The following LSAMP variants were observed in gnomAD, a reference collection of about 807,000 sequenced individuals.
The protein encoded by LSAMP is limbic system-associated membrane protein.
Under a neutral mutation model 38.6 loss-of-function variants are expected in LSAMP, and 7 were observed. That is an observed-to-expected ratio of 0.18 (90% CI 0.10 to 0.34). The LOEUF (loss-of-function observed/expected upper bound fraction) is 0.34. Ranked by LOEUF, LSAMP falls within the 10% of genes least tolerant of loss-of-function variation. The pLI is 1.00. For missense variants in LSAMP, 313 were observed against 420.0 expected, an observed-to-expected ratio of 0.75 and a Z score of 2.23; for synonymous variants, 154 against 166.8, an observed-to-expected ratio of 0.92 and a Z score of 0.59.
chr3:116,400,108 C>A (rs910867555), intron 1 of LSAMP, among the ~76,000 whole-genome samples: 2 of 152,134 alleles, frequency 1.3e-5, no homozygotes, highest in Admixed American at 6.5e-5. Flanking sequence ...ATCTAAAAAA[C>A]CCCTAAATTT....
At chr3:116,409,899 G>A (rs566145732) in intron 1 of LSAMP, among the ~76,000 whole-genome samples, 27 of 152,116 alleles carry the variant, frequency 1.8e-4, no homozygotes, top group African/African-American at 5.1e-4. Flanking sequence ...TTATTGGCAC[G>A]TTTAGAGCCA....
At chr3:115,839,491 G>A (rs1206299041) in intron 6 of LSAMP, among the ~76,000 whole-genome samples, 1 of 152,118 alleles carries the variant, frequency 6.6e-6, no homozygotes, top group East Asian at 1.9e-4. Context: ...CAGAAGGAGA[G>A]CTTCTCCCCC....
intron 1 of LSAMP, among the ~76,000 whole-genome samples, chr3:116,208,707 C>T (rs1471806280): frequency 6.6e-6 from 1 of 150,572 alleles, no homozygotes; most frequent in African/African-American, 2.4e-5. Context: ...CCCAGTTAGG[C>T]TGCTCGGGGG....
At chr3:115,957,200 T>G (rs575666036) in intron 3 of LSAMP, among the ~76,000 whole-genome samples, 8 of 152,300 alleles carry the variant, frequency 5.3e-5, no homozygotes, top group African/African-American at 1.9e-4. Context: ...CAAGTACCCA[T>G]AGAGGTCAAA....
chr3:116,173,779 C>T (rs1308740980), intron 1 of LSAMP, among the ~76,000 whole-genome samples: 1 of 50,224 alleles, frequency 2.0e-5, no homozygotes, highest in Non-Finnish European at 3.6e-5. Flanking sequence ...GAGGGGAAAA[C>T]ATTTTTTTTT....
intron 1 of LSAMP, among the ~76,000 whole-genome samples, chr3:116,419,092 C>T (rs1373190867): frequency 4.6e-5 from 7 of 152,230 alleles, no homozygotes; most frequent in Admixed American, 3.9e-4. Flanking sequence ...CCTGTGTCTC[C>T]TATTCTGGGT....
intron 3 of LSAMP, among the ~76,000 whole-genome samples, chr3:115,895,049 CAAAA>C (rs1367749084): frequency 6.6e-6 from 1 of 151,588 alleles, no homozygotes; most frequent in Non-Finnish European, 1.5e-5. Context: ...GACAAACAAA[CAAAA>C]AAAAGATGTG....
chr3:115,907,112 G>T (rs1937025913), intron 3 of LSAMP, among the ~76,000 whole-genome samples: 1 of 152,088 alleles, frequency 6.6e-6, no homozygotes, highest in Admixed American at 6.6e-5. Flanking sequence ...AGTGTTATTT[G>T]CTACAGTCTC....
At chr3:116,021,055 G>C (rs995767998) in intron 2 of LSAMP, among the ~76,000 whole-genome samples, 1 of 152,142 alleles carries the variant, frequency 6.6e-6, no homozygotes, top group African/African-American at 2.4e-5. Flanking sequence ...AGTGTCACAA[G>C]GAGGAAGCAG....
Position 116,319,523 on chromosome 3 carries a change from A to G in LSAMP, c.155+125354T>C, listed in dbSNP as rs1312846053. Among the ~76,000 whole-genome samples, 6 of 152,230 alleles carry G rather than the reference A, an allele frequency of 3.9e-5. No homozygotes were observed. The East Asian group carries it at 1.2e-3, about 29-fold the overall frequency. On this transcript the variant is annotated intron_variant, in intron 1 of 6. Coordinates refer to ENST00000490035, the MANE Select transcript of LSAMP (RefSeq NM_002338.5). ...TCACCTAGCTAATACATCAAACACA[A>G]ACATGAATGAATAATAAATTTTTTA...
At chr3:115,868,885 C>T (rs1232637024) in intron 3 of LSAMP, among the ~76,000 whole-genome samples, 1 of 151,906 alleles carries the variant, frequency 6.6e-6, no homozygotes, top group Non-Finnish European at 1.5e-5. Flanking sequence ...AAAAATGGTG[C>T]AGACAGTAAA....
intron 6 of LSAMP, among the ~76,000 whole-genome samples, chr3:115,827,233 C>T (rs922608632): frequency 2.0e-5 from 3 of 152,046 alleles, no homozygotes; most frequent in Admixed American, 6.5e-5. Context: ...AAGCAAGTTT[C>T]CAACATAAAA....
chr3:116,100,474 A>C (rs1485627274), intron 1 of LSAMP, among the ~76,000 whole-genome samples: 5 of 152,234 alleles, frequency 3.3e-5, no homozygotes, highest in Non-Finnish European at 7.4e-5. Flanking sequence ...TATTTAAACA[A>C]ATTTTTAGCA....
chr3:116,326,275 A>G (rs1211238559), intron 1 of LSAMP, among the ~76,000 whole-genome samples: 1 of 152,188 alleles, frequency 6.6e-6, no homozygotes, highest in African/African-American at 2.4e-5. Context: ...AACTTTCATC[A>G]GGATTTAATC....
intron 1 of LSAMP, among the ~76,000 whole-genome samples, chr3:116,126,533 G>A (rs1380882925): frequency 6.6e-6 from 1 of 152,200 alleles, no homozygotes; most frequent in East Asian, 1.9e-4. Flanking sequence ...TTGCAGATAA[G>A]AATAGAATTT....
At position 115,900,578 on chromosome 3, in the gene LSAMP, C is replaced by CTCT. The variant is rs1254085699; in HGVS notation, c.515-47962_515-47961insAGA. ...TCAGCTTTTGCCACAAACTCTGACC[C>CTCT]TAAGGCTAAAAGACCAGAGATTTGT... On this transcript the variant is annotated intron_variant, in intron 3 of 6. Coordinates refer to ENST00000490035, the MANE Select transcript of LSAMP (RefSeq NM_002338.5). Among the ~76,000 whole-genome samples, 4 of 151,570 alleles carry CTCT rather than the reference C, an allele frequency of 2.6e-5. No homozygotes were observed. In the East Asian group the frequency reaches 7.8e-4, roughly 29 times the overall value.
At chr3:116,105,740 G>T (rs866183157) in intron 1 of LSAMP, among the ~76,000 whole-genome samples, 1 of 152,188 alleles carries the variant, frequency 6.6e-6, no homozygotes, top group South Asian at 2.1e-4. Context: ...GGGCATATAC[G>T]TGCAAGTCAC....
intron 3 of LSAMP, among the ~76,000 whole-genome samples, chr3:115,948,747 C>T (rs1457335635): frequency 6.6e-6 from 1 of 152,142 alleles, no homozygotes; most frequent in Non-Finnish European, 1.5e-5. Flanking sequence ...AAACCAAAAT[C>T]AAACCCAGCA....
chr3:116,165,153 T>C (rs1710018965), intron 1 of LSAMP, among the ~76,000 whole-genome samples: 1 of 152,168 alleles, frequency 6.6e-6, no homozygotes, highest in African/African-American at 2.4e-5. Context: ...ATAGCAAGCA[T>C]ACCAAGTCTA....
Sources: allele counts gnomAD v4.1 joint callset (sites outside exome capture counted in the v4.1 genomes callset), GRCh38; gene constraint gnomAD v4.1.1; transcripts MANE v1.5; gene names NCBI Gene and HGNC (gene_info 2026-07-23, HGNC 2026-07-21).